OPHN1: variants seen among roughly 807,000 people sequenced by gnomAD.
OPHN1 encodes oligophrenin 1.
A neutral mutation model predicts 60.7 loss-of-function variants in OPHN1; 11 were observed. The ratio of observed to expected loss-of-function variants is 0.18; its 90% confidence interval spans 0.11 to 0.30. The LOEUF (loss-of-function observed/expected upper bound fraction) is 0.30. Ranked by LOEUF, OPHN1 falls within the 10% of genes least tolerant of loss-of-function variation. The probability of loss-of-function intolerance (pLI) is 1.00; values close to 1 mark genes in which losing one functional copy is unlikely to be tolerated. For synonymous variants in OPHN1, 226 were observed against 222.6 expected (o/e 1.02, Z -0.14); for missense variants, 449 against 611.0 (o/e 0.73, Z 2.80).
chrX:68,348,262 T>C (rs764945796), intron 2 of OPHN1, among the ~76,000 whole-genome samples: 25 of 111,880 alleles, frequency 2.2e-4, no homozygotes, highest in Non-Finnish European at 3.9e-4. Flanking sequence ...CAGGTTTTGA[T>C]GAAAAACAAG....
At chrX:68,209,221 T>C (rs758592481) in intron 9 of OPHN1, among the ~76,000 whole-genome samples, 4 of 111,871 alleles carry the variant, frequency 3.6e-5, no homozygotes, top group African/African-American at 6.5e-5. Flanking sequence ...GTGTGCATAA[T>C]GTTACTGAGG....
At chrX:68,382,074 G>T (rs917744572) in intron 2 of OPHN1, among the ~76,000 whole-genome samples, 1 of 111,971 alleles carries the variant, frequency 8.9e-6, no homozygotes, top group Non-Finnish European at 1.9e-5. Flanking sequence ...CAGGCCAGGT[G>T]CAATGGCTCA....
chrX:68,349,693 T>A (rs1315041601), intron 2 of OPHN1, among the ~76,000 whole-genome samples: 1 of 111,159 alleles, frequency 9.0e-6, no homozygotes, highest in Admixed American at 9.6e-5. Context: ...ATGAAGAAAA[T>A]GTGGCACATA....
intron 2 of OPHN1, among the ~76,000 whole-genome samples, chrX:68,330,290 G>T (rs1307817763): frequency 9.1e-6 from 1 of 110,277 alleles, no homozygotes; most frequent in South Asian, 3.9e-4. Context: ...TACAGACAGG[G>T]TTTCACCATG....
At chrX:68,215,912 T>C (rs2056507933) in intron 6 of OPHN1, among the ~76,000 whole-genome samples, 1 of 111,003 alleles carries the variant, frequency 9.0e-6, no homozygotes, top group South Asian at 3.8e-4. Context: ...GTCGGAAATA[T>C]AGACCTAAAA....
chrX:68,386,657 G>C (rs1446319964), intron 2 of OPHN1, among the ~76,000 whole-genome samples: 1 of 111,629 alleles, frequency 9.0e-6, no homozygotes, highest in Non-Finnish European at 1.9e-5. Flanking sequence ...ACCCAATACT[G>C]AACAATCATC....
chrX:68,216,914 T>C (rs950161694), intron 6 of OPHN1, among the ~76,000 whole-genome samples: 28 of 110,874 alleles, frequency 2.5e-4, no homozygotes, highest in African/African-American at 6.2e-4. Flanking sequence ...AAAATAGAAA[T>C]TGGGGAGGAG....
At chrX:68,381,346 G>A (rs1430991343) in intron 2 of OPHN1, among the ~76,000 whole-genome samples, 3 of 111,402 alleles carry the variant, frequency 2.7e-5, no homozygotes, top group Non-Finnish European at 5.6e-5. Flanking sequence ...CAATTTCCTT[G>A]AGGATAGGGA....
chrX:68,361,479 GA>G (rs780223688), intron 2 of OPHN1, among the ~76,000 whole-genome samples: 8 of 92,149 alleles, frequency 8.7e-5, no homozygotes, highest in Non-Finnish European at 1.5e-4. Context: ...GACTCCATCT[GA>G]AAAAAAAAAT....
At chrX:68,160,126 G>T (rs1416572092) in intron 15 of OPHN1, among the ~76,000 whole-genome samples, 2 of 109,654 alleles carry the variant, frequency 1.8e-5, no homozygotes, top group Non-Finnish European at 3.8e-5. Flanking sequence ...AAGCTGGAGT[G>T]GCAATGCCAA....
At chrX:68,106,891 C>G (rs988092040) in intron 18 of OPHN1, among the ~76,000 whole-genome samples, 10 of 111,857 alleles carry the variant, frequency 8.9e-5, no homozygotes, top group Non-Finnish European at 7.5e-5. Flanking sequence ...ATTTACATTT[C>G]CCTACAATTT....
At chrX:68,227,407 C>G (rs2077701024) in intron 6 of OPHN1, among the ~76,000 whole-genome samples, 1 of 111,127 alleles carries the variant, frequency 9.0e-6, no homozygotes, top group Non-Finnish European at 1.9e-5. Flanking sequence ...CCAAGCGGAC[C>G]TAATAGACAT....
intron 18 of OPHN1, among the ~76,000 whole-genome samples, chrX:68,101,548 G>A (rs111906261): frequency 0.028 from 3,119 of 111,985 alleles, 87 homozygotes; most frequent in African/African-American, 0.096. Context: ...GTGAATACAC[G>A]CATACTCTAG....
chrX:68,311,657 T>C, intron 2 of OPHN1, among the ~76,000 whole-genome samples: 1 of 112,101 alleles, frequency 8.9e-6, no homozygotes, highest in Non-Finnish European at 1.9e-5. Context: ...GGTCTCGAGC[T>C]CCTGACCTCA....
At chrX:68,307,458 CA>C (rs757375176) in intron 2 of OPHN1, among the ~76,000 whole-genome samples, 953 of 50,035 alleles carry the variant, frequency 0.019, 6 homozygotes, top group African/African-American at 0.042. Context: ...CCTATGTCAA[CA>C]AAAAAAAAAA....
intron 2 of OPHN1, among the ~76,000 whole-genome samples, chrX:68,393,895 T>G (rs1438791054): frequency 2.9e-4 from 21 of 73,215 alleles, no homozygotes; most frequent in Non-Finnish European, 1.6e-4. Flanking sequence ...GTTTTTTTTT[T>G]TTTTTTTTTT....
intron 19 of OPHN1, among the ~76,000 whole-genome samples, chrX:68,087,110 G>T (rs2076998575): frequency 8.9e-6 from 1 of 112,160 alleles, no homozygotes; most frequent in Non-Finnish European, 1.9e-5. Context: ...CTGTGGACTG[G>T]TTAAGAACAA....
intron 5 of OPHN1, among the ~76,000 whole-genome samples, chrX:68,246,913 A>G (rs1419963196): frequency 9.0e-6 from 1 of 111,377 alleles, no homozygotes; most frequent in East Asian, 2.8e-4. Flanking sequence ...AATGCAAAAA[A>G]CCAGTAAGAG....
chrX:68,430,539 G>A (rs767296175), intron 2 of OPHN1, among the ~76,000 whole-genome samples: 1 of 111,462 alleles, frequency 9.0e-6, no homozygotes, highest in Non-Finnish European at 1.9e-5. Context: ...AAGAAGGAAA[G>A]AGGCCAGGCG....
Sources: allele counts gnomAD v4.1 joint callset (sites outside exome capture counted in the v4.1 genomes callset), GRCh38; gene constraint gnomAD v4.1.1; transcripts MANE v1.5; gene names NCBI Gene and HGNC (gene_info 2026-07-23, HGNC 2026-07-21).